The following RALA variants were observed in gnomAD, a reference collection of about 807,000 sequenced individuals.
RALA encodes the protein RAS like proto-oncogene A, also known as ras-related protein Ral-A.
In RALA, 5 loss-of-function variants were observed where a neutral mutation model predicts 24.0. That is an observed-to-expected ratio of 0.21 (90% CI 0.11 to 0.44). The LOEUF is 0.44. Ranked by LOEUF, RALA falls within the 20% of genes least tolerant of loss-of-function variation. The pLI, the probability that RALA is intolerant of heterozygous loss-of-function variation, is 0.99. For synonymous variants in RALA, 77 were observed against 83.8 expected, an observed-to-expected ratio of 0.92 and a Z score of 0.44; for missense variants, 95 against 241.2, an observed-to-expected ratio of 0.39 and a Z score of 4.01.
chr7:39,645,388 T>C (rs1396090568), intron 1 of RALA, among the ~76,000 whole-genome samples: 1 of 152,182 alleles, frequency 6.6e-6, no homozygotes, highest in Non-Finnish European at 1.5e-5. Flanking sequence ...AGATGAATGT[T>C]GTTACTAATG....
At chr7:39,699,340 C>T (rs540115955) in intron 4 of RALA, among the ~76,000 whole-genome samples, 50 of 150,944 alleles carry the variant, frequency 3.3e-4, no homozygotes, top group South Asian at 6.3e-4. Context: ...CGGGGTTTCA[C>T]CTTGTTAGCC....
intron 1 of RALA, among the ~76,000 whole-genome samples, chr7:39,660,828 TTTA>T (rs1241276852): frequency 6.6e-6 from 1 of 152,186 alleles, no homozygotes; most frequent in Non-Finnish European, 1.5e-5. Context: ...CAGATACTAG[TTTA>T]TTATTTACTA....
At chr7:39,689,232 A>T (rs966967555) in intron 2 of RALA, among the ~76,000 whole-genome samples, 2 of 152,124 alleles carry the variant, frequency 1.3e-5, no homozygotes, top group Non-Finnish European at 2.9e-5. Flanking sequence ...GGCTCAAGTG[A>T]TCCACTCACC....
chr7:39,623,684 T>TC lies in RALA; in HGVS notation c.-174dup, dbSNP rs1022571812. ...CTCCTCCTCCTCCAGCCGCCCAGGC[T>TC]CCCCCGCCACCCGTCAGACTCCTCC... On this transcript the variant is annotated 5_prime_UTR_variant, in exon 1 of 5. Transcript: ENST00000005257. The surrounding 1 kb of genome is among the most constrained non-coding windows in gnomAD (Gnocchi z 4.9). 5 of 155,382 alleles carry TC rather than the reference T, an allele frequency of 3.2e-5. No homozygotes were observed. In the East Asian group the frequency reaches 9.5e-4, roughly 30 times the overall value. The allele number at this position is 155,382 out of a possible 1,614,324, so 9.6% of individuals were successfully genotyped here.
intron 1 of RALA, among the ~76,000 whole-genome samples, chr7:39,685,108 A>G (rs560182200): frequency 1.9e-4 from 29 of 152,322 alleles, no homozygotes; most frequent in Middle Eastern, 3.4e-3. Context: ...TATTCAGGCA[A>G]TTTCAACTTG....
chr7:39,627,860 G>A (rs1277238214), intron 1 of RALA, among the ~76,000 whole-genome samples: 1 of 152,054 alleles, frequency 6.6e-6, no homozygotes, highest in Non-Finnish European at 1.5e-5. Context: ...ATCCTCTTGT[G>A]GCTCTTTTTT....
At chr7:39,697,480 A>G in intron 4 of RALA, 1 of 456,604 alleles carries the variant, frequency 2.2e-6, no homozygotes, top group Non-Finnish European at 4.4e-6. Flanking sequence ...GACCAGCTCC[A>G]GTATCTAGAA....
At chr7:39,682,031 A>G (rs1355272943) in intron 1 of RALA, among the ~76,000 whole-genome samples, 3 of 152,204 alleles carry the variant, frequency 2.0e-5, no homozygotes, top group African/African-American at 7.2e-5. Context: ...ATGTATTCCA[A>G]ATAACATAGT....
intron 4 of RALA, among the ~76,000 whole-genome samples, chr7:39,702,756 C>T (rs562019838): frequency 6.6e-6 from 1 of 152,292 alleles, no homozygotes; most frequent in South Asian, 2.1e-4. Context: ...AAGCCAGGAA[C>T]AGGCAGTTAA....
intron 1 of RALA, among the ~76,000 whole-genome samples, chr7:39,659,753 A>G (rs1792155886): frequency 6.6e-6 from 1 of 152,218 alleles, no homozygotes; most frequent in African/African-American, 2.4e-5. Flanking sequence ...CACTGCAGAA[A>G]GGAGTACTAA....
intron 4 of RALA, among the ~76,000 whole-genome samples, chr7:39,704,740 A>G (rs1793087581): frequency 6.6e-6 from 1 of 152,048 alleles, no homozygotes; most frequent in Non-Finnish European, 1.5e-5. Flanking sequence ...CAGTGGCACA[A>G]TCTCGGCTCA....
At chr7:39,665,009 A>G (rs1792258157) in intron 1 of RALA, among the ~76,000 whole-genome samples, 1 of 152,234 alleles carries the variant, frequency 6.6e-6, no homozygotes, top group African/African-American at 2.4e-5. Context: ...CCGTGATACA[A>G]GCACTAAAAC....
At chr7:39,649,852 TAAAG>T (rs996906411) in intron 1 of RALA, among the ~76,000 whole-genome samples, 2 of 152,178 alleles carry the variant, frequency 1.3e-5, no homozygotes, top group South Asian at 2.1e-4. Context: ...GGAAACCAAA[TAAAG>T]AAAATGTTTT....
intron 1 of RALA, among the ~76,000 whole-genome samples, chr7:39,686,429 A>G (rs1216038445): frequency 4.6e-5 from 7 of 152,202 alleles, no homozygotes; most frequent in Admixed American, 4.6e-4. Context: ...CCCTTGAGTC[A>G]TAGGCTTGTT....
At chr7:39,680,847 A>T (rs140571961) in intron 1 of RALA, among the ~76,000 whole-genome samples, 46 of 152,224 alleles carry the variant, frequency 3.0e-4, no homozygotes, top group African/African-American at 1.1e-3. Flanking sequence ...GGTTTTGTAT[A>T]TTCTGTTCTA....
At chr7:39,703,881 T>A (rs1170765970) in intron 4 of RALA, among the ~76,000 whole-genome samples, 1 of 152,110 alleles carries the variant, frequency 6.6e-6, no homozygotes, top group African/African-American at 2.4e-5. Context: ...CAAAATGAAG[T>A]TTGGCTGGGT....
At chr7:39,665,479 T>C (rs1792269088) in intron 1 of RALA, among the ~76,000 whole-genome samples, 3 of 152,288 alleles carry the variant, frequency 2.0e-5, no homozygotes, top group African/African-American at 4.8e-5. Context: ...GATTTTCGAC[T>C]GCACACAGTG....
chr7:39,652,446 G>T (rs1213384656), intron 1 of RALA, among the ~76,000 whole-genome samples: 1 of 152,140 alleles, frequency 6.6e-6, no homozygotes, highest in Non-Finnish European at 1.5e-5. Context: ...TTTTAAACAG[G>T]ACCATAGTAG....
intron 1 of RALA, among the ~76,000 whole-genome samples, chr7:39,674,157 G>A (rs1792439017): frequency 6.6e-6 from 1 of 152,108 alleles, no homozygotes; most frequent in South Asian, 2.1e-4. Context: ...ATATCTCACT[G>A]TAACCTCAAA....
Sources: allele counts gnomAD v4.1 joint callset (sites outside exome capture counted in the v4.1 genomes callset), GRCh38; gene constraint gnomAD v4.1.1; non-coding constraint Gnocchi (gnomAD v3.1); transcripts MANE v1.5; gene names NCBI Gene and HGNC (gene_info 2026-07-23, HGNC 2026-07-21).